Variants in NEDD9 observed in about 807,000 individuals in gnomAD.
The protein encoded by NEDD9 is neural precursor cell expressed, developmentally down-regulated 9, also known as enhancer of filamentation 1.
In NEDD9, 26 loss-of-function variants were observed where a neutral mutation model predicts 76.6. That is an observed-to-expected ratio of 0.34 (90% CI 0.25 to 0.47). The LOEUF is 0.47. Ranked by LOEUF, NEDD9 falls within the 20% of genes least tolerant of loss-of-function variation. The pLI is 1.00. For missense variants in NEDD9, 937 were observed against 1,058.5 expected (o/e 0.89, Z 1.59); for synonymous variants, 392 against 414.2 (o/e 0.95, Z 0.65).
chr6:11,297,132 G>GTTTTTTTTTTTTTTTTGT (rs199939249), intron 3 of NEDD9, among the ~76,000 whole-genome samples: 1 of 129,300 alleles, frequency 7.7e-6, no homozygotes. Context: ...AATTTGTTTT[G>GTTTTTTTTTTTTTTTTGT]TTTTTTTTTT....
intron 6 of NEDD9, among the ~76,000 whole-genome samples, chr6:11,186,400 A>C (rs1757982334): frequency 1.3e-5 from 2 of 152,096 alleles, no homozygotes. Flanking sequence ...TTCTTTCCTC[A>C]TTGCTACCAA....
chr6:11,284,266 C>T (rs186883076), intron 3 of NEDD9, among the ~76,000 whole-genome samples: 1 of 152,086 alleles, frequency 6.6e-6, no homozygotes, highest in Admixed American at 6.6e-5. Context: ...AGCAAACCTA[C>T]TGGCTGGGCG....
At chr6:11,355,914 G>A (rs1042395802) in intron 1 of NEDD9, among the ~76,000 whole-genome samples, 2 of 151,992 alleles carry the variant, frequency 1.3e-5, no homozygotes, top group Admixed American at 6.6e-5. Flanking sequence ...GTAGAGACGG[G>A]GTTTCACCGT....
intron 1 of NEDD9, among the ~76,000 whole-genome samples, chr6:11,347,487 A>G (rs1415241406): frequency 6.6e-6 from 1 of 152,156 alleles, no homozygotes; most frequent in Non-Finnish European, 1.5e-5. Context: ...AAACAAAACA[A>G]ACAAACAAAA....
chr6:11,211,052 C>A (rs1003056609), intron 2 of NEDD9, among the ~76,000 whole-genome samples: 4 of 152,356 alleles, frequency 2.6e-5, no homozygotes, highest in African/African-American at 7.2e-5. Flanking sequence ...CTGGCTGCAA[C>A]TCCTGGAAGG....
intron 3 of NEDD9, among the ~76,000 whole-genome samples, chr6:11,243,612 G>A (rs1258745369): frequency 1.3e-5 from 2 of 152,202 alleles, no homozygotes; most frequent in African/African-American, 4.8e-5. Flanking sequence ...TATTTCCCCT[G>A]TTATGAAATC....
In NEDD9 at chr6:11,183,423, A is replaced by G. The variant is rs899987118; in HGVS notation, c.*1739T>C. 1 of 152,218 alleles carries G rather than the reference A, an allele frequency of 6.6e-6. No homozygotes were observed. The highest frequency in any genetic ancestry group is 2.4e-5 in the African/African-American group (1 of 41,460). 9.4% of individuals were successfully genotyped at this position (152,218 alleles called of 1,614,324 possible). A position where few individuals can be genotyped will look rare whatever the true frequency, so the allele number is the denominator to read the frequency against. ...AAATGTCTCCACTTAGCGTAGATCA[A>G]TCAAGTCAGCCATCTCCTAAGAAAT... On this transcript the variant is annotated 3_prime_UTR_variant, in exon 7 of 7. Transcript: ENST00000379446.
At chr6:11,337,408 T>C (rs967647581) in intron 1 of NEDD9, among the ~76,000 whole-genome samples, 2 of 152,222 alleles carry the variant, frequency 1.3e-5, no homozygotes, top group Non-Finnish European at 2.9e-5. Context: ...TTATAGACTG[T>C]ACACAATTAT....
intron 1 of NEDD9, among the ~76,000 whole-genome samples, chr6:11,227,130 A>G (rs1759330031): frequency 6.6e-6 from 1 of 152,232 alleles, no homozygotes; most frequent in African/African-American, 2.4e-5. Flanking sequence ...GAATCAAGTC[A>G]TTAGTATATT....
intron 2 of NEDD9, chr6:11,207,393 T>C (rs1178687214): frequency 1.3e-5 from 2 of 152,206 alleles, no homozygotes; most frequent in Admixed American, 1.3e-4. Flanking sequence ...TAATTTGTGA[T>C]GACTCAGTGT....
intron 1 of NEDD9, among the ~76,000 whole-genome samples, chr6:11,220,270 C>T (rs541237720): frequency 7.9e-5 from 12 of 152,286 alleles, no homozygotes; most frequent in African/African-American, 2.6e-4. Flanking sequence ...AGTGCTTCTT[C>T]TAGACCCCTA....
chr6:11,363,515 G>A (rs546834051), intron 1 of NEDD9, among the ~76,000 whole-genome samples: 1 of 152,144 alleles, frequency 6.6e-6, no homozygotes, highest in Non-Finnish European at 1.5e-5. Context: ...GGGGCATTAA[G>A]TACCAGACCA....
intron 3 of NEDD9, among the ~76,000 whole-genome samples, chr6:11,273,125 A>G (rs1760346871): frequency 6.6e-6 from 1 of 152,160 alleles, no homozygotes; most frequent in African/African-American, 2.4e-5. Context: ...CTATTGCTTA[A>G]CCGTTGCCCA....
intron 1 of NEDD9, among the ~76,000 whole-genome samples, chr6:11,381,440 C>A (rs1763061858): frequency 6.6e-6 from 1 of 152,242 alleles, no homozygotes; most frequent in Admixed American, 6.5e-5. Context: ...GAAAAAATTT[C>A]AGCAAGATAA....
At chr6:11,294,763 A>G (rs1760853487) in intron 3 of NEDD9, among the ~76,000 whole-genome samples, 2 of 152,266 alleles carry the variant, frequency 1.3e-5, no homozygotes, top group South Asian at 2.1e-4. Flanking sequence ...GGGTAAGATG[A>G]TATCTCATTA....
chr6:11,188,020 G>A (rs1758020583), intron 6 of NEDD9, among the ~76,000 whole-genome samples, 198 bp downstream of exon 6: 1 of 152,140 alleles, frequency 6.6e-6, no homozygotes. Context: ...CGTTTAGATG[G>A]AACCCAGGTA....
chr6:11,240,615 G>A (rs1274351574), intron 3 of NEDD9, among the ~76,000 whole-genome samples: 3 of 152,154 alleles, frequency 2.0e-5, no homozygotes, highest in Non-Finnish European at 4.4e-5. Flanking sequence ...GATGTTTAGT[G>A]TTATTATAAC....
Position 11,185,499 on chromosome 6 carries a change from A to G in NEDD9, c.2168T>C (p.Leu723Pro), listed in dbSNP as rs1017714181. The G allele has an allele frequency of 8.1e-6, 13 of 1,614,074 alleles. No individual in the cohort carries two copies. The highest frequency in any genetic ancestry group is 1.1e-5 in the Non-Finnish European group (13 of 1,180,030). ...ACTGAAGAGTGCGTCAATGGCGTTG[A>G]GAAGGGAAATGAAATGGGTCTCACA... ...DQCETHFISL[L>P]NAIDALFSCV... The change falls in exon 7 of 7, where the codon CTC becomes CCC. Residue 723 changes from leucine (L) to proline (P), a missense_variant. Transcript: ENST00000379446.
intron 5 of NEDD9, 148 bp from the exon 6 acceptor site, chr6:11,188,455 C>T (rs540146872): frequency 1.1e-4 from 76 of 708,942 alleles, no homozygotes; most frequent in East Asian, 3.0e-4. Context: ...GAACCCTAGA[C>T]GACAGGGGTG....
Sources: gnomAD v4.1 joint callset for allele counts (sites outside exome capture counted in the v4.1 genomes callset) on GRCh38, gnomAD v4.1.1 for gene constraint, MANE v1.5 for transcripts, NCBI Gene and HGNC (gene_info 2026-07-23, HGNC 2026-07-21) for gene names.